The following ZFPM2 variants were observed in gnomAD, a reference collection of about 807,000 sequenced individuals.
The protein encoded by ZFPM2 is zinc finger protein, FOG family member 2.
In ZFPM2, 20 loss-of-function variants were observed where a neutral mutation model predicts 98.6. That is an observed-to-expected ratio of 0.20 (90% CI 0.14 to 0.29). The LOEUF is 0.29. ZFPM2 is among the 10% of genes least tolerant of loss of function. The pLI, the probability that ZFPM2 is intolerant of heterozygous loss-of-function variation, is 1.00. For synonymous variants in ZFPM2, 518 were observed against 502.7 expected, an observed-to-expected ratio of 1.03 and a Z score of -0.41; for missense variants, 1,310 against 1,388.6, an observed-to-expected ratio of 0.94 and a Z score of 0.90.
chr8:105,489,467 T>TATATA (rs372429625), intron 3 of ZFPM2, among the ~76,000 whole-genome samples: 173 of 88,000 alleles, frequency 2.0e-3, no homozygotes, highest in African/African-American at 7.4e-3. Flanking sequence ...TATATATATA[T>TATATA]TTTTTTTTTT....
chr8:105,648,382 A>T (rs560859229), intron 5 of ZFPM2, among the ~76,000 whole-genome samples: 2 of 152,118 alleles, frequency 1.3e-5, no homozygotes, highest in Admixed American at 1.3e-4. Context: ...CTTTAGTTTA[A>T]TTAGATTCCA....
chr8:105,734,302 GT>G (rs1270027109), intron 5 of ZFPM2, among the ~76,000 whole-genome samples: 2 of 151,884 alleles, frequency 1.3e-5, no homozygotes, highest in African/African-American at 4.8e-5. Flanking sequence ...AAATGAAGTA[GT>G]ATTTATAAGT....
chr8:105,411,951 C>T (rs1274691813), intron 1 of ZFPM2, among the ~76,000 whole-genome samples: 1 of 151,714 alleles, frequency 6.6e-6, no homozygotes, highest in African/African-American at 2.4e-5. Context: ...TTGCTGCTTG[C>T]GAGGCTTGCA....
chr8:105,614,745 C>A (rs1272667103), intron 4 of ZFPM2, among the ~76,000 whole-genome samples: 1 of 152,014 alleles, frequency 6.6e-6, no homozygotes, highest in Non-Finnish European at 1.5e-5. Context: ...CTTTCTCCTT[C>A]CCCCCAAATC....
intron 5 of ZFPM2, among the ~76,000 whole-genome samples, chr8:105,728,677 G>T (rs1199909532): frequency 6.6e-6 from 1 of 151,718 alleles, no homozygotes. Flanking sequence ...CTCGTGCAAA[G>T]AATATCTCAA....
chr8:105,435,530 C>T (rs765996787), intron 2 of ZFPM2, among the ~76,000 whole-genome samples: 23 of 152,138 alleles, frequency 1.5e-4, no homozygotes, highest in Non-Finnish European at 3.1e-4. Context: ...TTCCTTTCCT[C>T]TTCCTATCAA....
At chr8:105,655,937 A>G (rs183780285) in intron 5 of ZFPM2, among the ~76,000 whole-genome samples, 9 of 148,694 alleles carry the variant, frequency 6.1e-5, no homozygotes, top group Non-Finnish European at 7.6e-5. Context: ...GGCTTTTTTC[A>G]TTCATTCATT....
chr8:105,550,673 A>G (rs1329259825), intron 3 of ZFPM2, among the ~76,000 whole-genome samples: 1 of 152,198 alleles, frequency 6.6e-6, no homozygotes, highest in African/African-American at 2.4e-5. Context: ...TGGGAATTCA[A>G]CAGGAGCAAT....
Position 105,414,606 on chromosome 8 carries a change from CT to C in ZFPM2, c.41-4528del, listed in dbSNP as rs1021759410. On this transcript the variant is annotated intron_variant, in intron 1 of 7. Coordinates refer to ENST00000407775, the MANE Select transcript of ZFPM2 (RefSeq NM_012082.4). ...TGCCTATATGTTTTCGCATCCCCCCCTTTTTTTTTTCTGAAATTTTCTTTGT... is the reference window on the plus strand; with the variant it reads ...TGCCTATATGTTTTCGCATCCCCCCCTTTTTTTTTCTGAAATTTTCTTTGT... Among the ~76,000 whole-genome samples the C allele has an allele frequency of 1.2e-3, 172 of 148,158 alleles. 2 individuals are homozygous for C. The highest frequency in any genetic ancestry group is 3.6e-3 in the African/African-American group (147 of 40,532).
At chr8:105,625,322 A>G (rs1397058842) in intron 4 of ZFPM2, among the ~76,000 whole-genome samples, 1 of 152,104 alleles carries the variant, frequency 6.6e-6, no homozygotes, top group African/African-American at 2.4e-5. Context: ...ATAAACACAA[A>G]TAAGATAGGT....
At chr8:105,470,786 A>T (rs1812888116) in intron 3 of ZFPM2, among the ~76,000 whole-genome samples, 1 of 152,112 alleles carries the variant, frequency 6.6e-6, no homozygotes. Context: ...TAAAAAAAAA[A>T]TAGAAAGAGA....
At chr8:105,563,790 T>C (rs1815188492) in intron 4 of ZFPM2, among the ~76,000 whole-genome samples, 1 of 152,204 alleles carries the variant, frequency 6.6e-6, no homozygotes, top group Non-Finnish European at 1.5e-5. Context: ...ATCATATTTA[T>C]CTTATTTATC....
intron 1 of ZFPM2, among the ~76,000 whole-genome samples, chr8:105,365,935 T>C (rs993406895): frequency 3.3e-5 from 5 of 152,172 alleles, no homozygotes; most frequent in African/African-American, 1.2e-4. Context: ...TCAAAAATGA[T>C]TGATGATTTC....
chr8:105,616,468 G>T (rs1210428602), intron 4 of ZFPM2, among the ~76,000 whole-genome samples: 1 of 151,830 alleles, frequency 6.6e-6, no homozygotes, highest in Non-Finnish European at 1.5e-5. Flanking sequence ...ATGACACATT[G>T]ATCATTCTGT....
chr8:105,434,823 A>T (rs1812089136), intron 2 of ZFPM2, among the ~76,000 whole-genome samples: 1 of 152,236 alleles, frequency 6.6e-6, no homozygotes, highest in South Asian at 2.1e-4. Flanking sequence ...GGATTAAAAG[A>T]GCAAGGTTGA....
chr8:105,580,807 C>G, intron 4 of ZFPM2, among the ~76,000 whole-genome samples: 1 of 100,048 alleles, frequency 1.0e-5, no homozygotes, highest in African/African-American at 4.9e-5. Context: ...CATTCTCTCT[C>G]TCTCTCTCTC....
Position 105,353,805 on chromosome 8 carries a change from A to G in ZFPM2, c.40+34824A>G, listed in dbSNP as rs557089989. On this transcript the variant is annotated intron_variant, in intron 1 of 7. Transcript: ENST00000407775. Reference sequence around the variant, plus strand: ...CATTGCCCTTTAGTGTTTGCTTAAAATTTTTTAAAAGGACCGGAGTTTTAT... The same window carrying G: ...CATTGCCCTTTAGTGTTTGCTTAAAGTTTTTTAAAAGGACCGGAGTTTTAT... 2.3e-3 allele frequency among the ~76,000 whole-genome samples: 346 copies of G among 152,314 alleles called. 3 individuals are homozygous for G. The highest frequency in any genetic ancestry group is 8.0e-3 in the African/African-American group (332 of 41,574).
chr8:105,633,257 T>C (rs1816785417), intron 4 of ZFPM2, among the ~76,000 whole-genome samples: 1 of 152,204 alleles, frequency 6.6e-6, no homozygotes, highest in Non-Finnish European at 1.5e-5. Context: ...GGCAGGATCA[T>C]ATCTAGGTGA....
At position 105,753,733 on chromosome 8, in the gene ZFPM2, T is replaced by C. The variant is rs530065548; in HGVS notation, c.533-34985T>C. On this transcript the variant is annotated intron_variant, in intron 5 of 7. Coordinates refer to ENST00000407775, the MANE Select transcript of ZFPM2 (RefSeq NM_012082.4). Reference sequence around the variant, plus strand: ...ACTATATAGTCATTGCAATATGGCATAATAATGTAACAATGCATTTCCTAA... The same window carrying C: ...ACTATATAGTCATTGCAATATGGCACAATAATGTAACAATGCATTTCCTAA... Among the ~76,000 whole-genome samples, 15 of 152,310 alleles carry C rather than the reference T, an allele frequency of 9.8e-5. No individual in the cohort carries two copies. In the South Asian group the frequency reaches 2.9e-3, roughly 29 times the overall value.
Sources: allele counts gnomAD v4.1 joint callset (sites outside exome capture counted in the v4.1 genomes callset), GRCh38; gene constraint gnomAD v4.1.1; transcripts MANE v1.5; gene names NCBI Gene and HGNC (gene_info 2026-07-23, HGNC 2026-07-21).